Variants in NECAB1 observed in about 807,000 individuals in gnomAD.
NECAB1 encodes N-terminal EF-hand calcium binding protein 1, also known as N-terminal EF-hand calcium-binding protein 1.
NECAB1 carries 29 observed loss-of-function variants against 57.5 expected under a neutral mutation model. That is an observed-to-expected ratio of 0.50 (90% CI 0.38 to 0.69). The LOEUF (loss-of-function observed/expected upper bound fraction) is 0.69. NECAB1 is among the 30% of genes least tolerant of loss of function. The pLI, the probability that NECAB1 is intolerant of heterozygous loss-of-function variation, is 0.00. For synonymous variants in NECAB1, 142 were observed against 147.7 expected (o/e 0.96, Z 0.28); for missense variants, 372 against 413.8 (o/e 0.90, Z 0.88).
chr8:90,922,200 G>A (rs1293969839), intron 6 of NECAB1, among the ~76,000 whole-genome samples: 1 of 152,164 alleles, frequency 6.6e-6, no homozygotes, highest in African/African-American at 2.4e-5. Flanking sequence ...AAATTTCTAG[G>A]AACACAGTTT....
chr8:90,934,298 T>C lies in NECAB1; in HGVS notation c.694-6T>C. 1 of 1,515,198 alleles carries C rather than the reference T, an allele frequency of 6.6e-7. No individual in the cohort carries two copies. 93.9% of individuals were successfully genotyped at this position (1,515,198 alleles called of 1,614,324 possible). The stretch of plus-strand genomic sequence containing the variant: ...TCTTTTCTGCCATTTCTTCCTCTTA[T>C]TGAAGGATCTCAAACTCGAACCACC... On this transcript the variant is annotated splice_polypyrimidine_tract_variant and splice_region_variant and intron_variant, in intron 8 of 12. Coordinates refer to ENST00000417640, the MANE Select transcript of NECAB1 (RefSeq NM_022351.5).
intron 3 of NECAB1, among the ~76,000 whole-genome samples, chr8:90,864,690 A>AC (rs1808475968): frequency 6.6e-6 from 1 of 151,496 alleles, no homozygotes; most frequent in Admixed American, 6.6e-5. Context: ...TCCTTCTCCT[A>AC]CCCCTCTCTC....
Position 90,938,209 on chromosome 8 carries a change from C to G in NECAB1, c.748-2577C>G, listed in dbSNP as rs144811498. ...TGTGAACTGAGACTGGCCTTTCATA[C>G]TTACACAGCACTATTTAGTCCAAGA... On this transcript the variant is annotated intron_variant, in intron 9 of 12. Coordinates refer to ENST00000417640, the MANE Select transcript of NECAB1 (RefSeq NM_022351.5). Among the ~76,000 whole-genome samples, 282 of 152,314 alleles carry G rather than the reference C, an allele frequency of 1.9e-3. 2 individuals are homozygous for G. Among genetic ancestry groups the G allele is most frequent in the African/African-American group, 6.2e-3 (259 of 41,566 alleles).
chr8:90,958,807 G>T lies in NECAB1; in HGVS notation c.*3295G>T. 4.7e-6 allele frequency: 2 copies of T among 422,414 alleles called. No individual in the cohort carries two copies. The highest frequency in any genetic ancestry group is 4.2e-6 in the Non-Finnish European group (1 of 238,910). 26.2% of individuals were successfully genotyped at this position (422,414 alleles called of 1,614,324 possible). ...TTTCCAGTGTTACTTCCCAATTTAT[G>T]CAGGAAACCTCCTGCAAAGCTGAAA... On this transcript the variant is annotated 3_prime_UTR_variant, in exon 13 of 13. Coordinates refer to ENST00000417640, the MANE Select transcript of NECAB1 (RefSeq NM_022351.5).
chr8:90,921,008 C>G (rs1200794779), intron 6 of NECAB1, among the ~76,000 whole-genome samples: 1 of 152,074 alleles, frequency 6.6e-6, no homozygotes, highest in South Asian at 2.1e-4. Flanking sequence ...CAAAAATTCA[C>G]CAGTTTTTTG....
At chr8:90,936,489 G>A (rs1475053051) in intron 9 of NECAB1, among the ~76,000 whole-genome samples, 1 of 152,120 alleles carries the variant, frequency 6.6e-6, no homozygotes, top group Non-Finnish European at 1.5e-5. Flanking sequence ...AGGTTTAAAG[G>A]AGTTTACCTA....
chr8:90,911,992 T>C (rs558268008), intron 5 of NECAB1, among the ~76,000 whole-genome samples: 3 of 152,314 alleles, frequency 2.0e-5, no homozygotes, highest in African/African-American at 7.2e-5. Context: ...TTGAATACTT[T>C]CCAAAGTTCA....
At chr8:90,880,952 G>A (rs1586080403) in intron 4 of NECAB1, 81 bp from the exon 5 acceptor site, 2 of 961,382 alleles carry the variant, frequency 2.1e-6, no homozygotes, top group East Asian at 2.7e-5. Flanking sequence ...CTCATTTAAG[G>A]AGTAAATAAT....
At position 90,958,815 on chromosome 8, in the gene NECAB1, C is replaced by T. The variant is rs975883796; in HGVS notation, c.*3303C>T. ...GTTACTTCCCAATTTATGCAGGAAA[C>T]CTCCTGCAAAGCTGAAACTGATTAG... On this transcript the variant is annotated 3_prime_UTR_variant, in exon 13 of 13. Transcript: ENST00000417640. 1 of 434,830 alleles carries T rather than the reference C, an allele frequency of 2.3e-6. No homozygotes were observed. The highest frequency in any genetic ancestry group is 4.0e-6 in the Non-Finnish European group (1 of 247,134). The allele number at this position is 434,830 out of a possible 1,614,324, so 26.9% of individuals were successfully genotyped here.
chr8:90,896,637 AAAAC>A (rs1309105092), intron 5 of NECAB1, among the ~76,000 whole-genome samples: 56 of 147,474 alleles, frequency 3.8e-4, no homozygotes, highest in African/African-American at 1.0e-3. Flanking sequence ...AAAAACAAAA[AAAAC>A]AAACAAACTA....
At position 90,925,567 on chromosome 8, in the gene NECAB1, T is replaced by G. The variant is rs1208978206; in HGVS notation, c.527T>G (p.Ile176Ser). ...QGPAKPEVLSIQWPGKRSSRR... is the reference protein window; with the variant it reads ...QGPAKPEVLSSQWPGKRSSRR... ...CCAGCCAAGCCAGAAGTCCTGTCGA[T>G]TCAATGGCCTGGAAAACGATCAAGC... is the stretch of plus-strand genomic sequence containing the variant. Residue 176 changes from isoleucine (I) to serine (S), a missense_variant, in exon 7 of 13, where the codon ATT (isoleucine) becomes AGT (serine). By Grantham distance (142) the Ile-to-Ser change is moderately radical (BLOSUM62 -2). Transcript: ENST00000417640. 6 of 1,613,162 alleles carry G rather than the reference T, an allele frequency of 3.7e-6. No homozygotes were observed. The East Asian group carries it at 1.3e-4, about 36-fold the overall frequency.
chr8:90,816,156 T>C (rs1386693193), intron 2 of NECAB1, among the ~76,000 whole-genome samples: 2 of 151,980 alleles, frequency 1.3e-5, no homozygotes, highest in Non-Finnish European at 2.9e-5. Context: ...GCATGTCTTC[T>C]TTGGTAAAGT....
intron 2 of NECAB1, chr8:90,812,559 T>C (rs1033636634): frequency 1.3e-5 from 2 of 152,202 alleles, no homozygotes; most frequent in Non-Finnish European, 2.9e-5. Context: ...CAAAAATATT[T>C]TGATGTAACA....
intron 4 of NECAB1, among the ~76,000 whole-genome samples, chr8:90,880,277 T>C (rs567445980): frequency 1.9e-4 from 29 of 152,268 alleles, no homozygotes; most frequent in African/African-American, 6.7e-4. Flanking sequence ...GTGAGGACTA[T>C]TCATGTTTTA....
chr8:90,869,842 C>T (rs190192262), intron 3 of NECAB1, among the ~76,000 whole-genome samples: 2 of 152,120 alleles, frequency 1.3e-5, no homozygotes, highest in East Asian at 1.9e-4. Context: ...TAGAATTTTG[C>T]AATGTGAGAA....
At chr8:90,817,466 G>GTTT (rs61477217) in intron 2 of NECAB1, among the ~76,000 whole-genome samples, 77 of 150,902 alleles carry the variant, frequency 5.1e-4, no homozygotes, top group Admixed American at 1.7e-3. Flanking sequence ...TTTTTTTGTA[G>GTTT]TTTTTTTTAT....
chr8:90,875,487 CAAAAAAAAA>C (rs35777818), intron 4 of NECAB1, among the ~76,000 whole-genome samples: 14 of 41,492 alleles, frequency 3.4e-4, no homozygotes, highest in African/African-American at 1.3e-3. Context: ...GACTCCGTCT[CAAAAAAAAA>C]AAAAAAAAAA....
At chr8:90,905,700 G>A (rs1282699196) in intron 5 of NECAB1, among the ~76,000 whole-genome samples, 1 of 152,100 alleles carries the variant, frequency 6.6e-6, no homozygotes, top group Non-Finnish European at 1.5e-5. Flanking sequence ...ATCAGCAATT[G>A]TCTCTTTTCT....
At position 90,801,669 on chromosome 8, in the gene NECAB1, TTTTTTCC is replaced by T; in HGVS notation, c.100-11_100-5del. 1 of 1,497,076 alleles carries T rather than the reference TTTTTTCC, an allele frequency of 6.7e-7. No homozygotes were observed. The highest frequency in any genetic ancestry group is 1.3e-5 in the South Asian group (1 of 77,248). 92.7% of individuals were successfully genotyped at this position (1,497,076 alleles called of 1,614,324 possible). A position where few individuals can be genotyped will look rare whatever the true frequency, so the allele number is the denominator to read the frequency against. On this transcript the variant is annotated splice_polypyrimidine_tract_variant and intron_variant, in intron 1 of 12. Coordinates refer to ENST00000417640, the MANE Select transcript of NECAB1 (RefSeq NM_022351.5). ...ATATTTATCTAAAATGCTGATAAAATTTTTTCCTTTTTCCTTTCCAGATACTGAGGAG... is the reference window on the plus strand; with the variant it reads ...ATATTTATCTAAAATGCTGATAAAATTTTTTCCTTTCCAGATACTGAGGAG...
Sources: allele counts gnomAD v4.1 joint callset (sites outside exome capture counted in the v4.1 genomes callset), GRCh38; gene constraint gnomAD v4.1.1; transcripts MANE v1.5; gene names NCBI Gene and HGNC (gene_info 2026-07-23, HGNC 2026-07-21).